DUS2: variants seen among roughly 807,000 people sequenced by gnomAD.
The protein encoded by DUS2 is tRNA-dihydrouridine(20) synthase [NAD(P)+]-like.
DUS2 carries 52 observed loss-of-function variants against 71.3 expected under a neutral mutation model. The ratio of observed to expected loss-of-function variants is 0.73; its 90% CI spans 0.58 to 0.92. The LOEUF is 0.92. DUS2 is among the 40% of genes least tolerant of loss of function. The pLI, the probability that DUS2 is intolerant of heterozygous loss-of-function variation, is 0.00. For synonymous variants in DUS2, 204 were observed against 227.8 expected (o/e 0.90, Z 0.94); for missense variants, 558 against 622.6 (o/e 0.90, Z 1.10).
chr16:68,074,463 G>T (rs1378862472), intron 13 of DUS2, among the ~76,000 whole-genome samples: 1 of 152,218 alleles, frequency 6.6e-6, no homozygotes, highest in Non-Finnish European at 1.5e-5. Flanking sequence ...GTGGTCAGGA[G>T]AATTGGGCTG....
chr16:68,040,078 CT>C (rs1158663153), intron 3 of DUS2, among the ~76,000 whole-genome samples: 4 of 149,238 alleles, frequency 2.7e-5, no homozygotes, highest in African/African-American at 9.9e-5. Context: ...GGACAGGAAT[CT>C]TTTTTTTTCT....
intron 5 of DUS2, 96 bp from the exon 6 acceptor site, chr16:68,054,478 G>C: frequency 7.8e-6 from 10 of 1,286,534 alleles, no homozygotes; most frequent in Non-Finnish European, 1.1e-5. Flanking sequence ...TGGTGTGTGG[G>C]GTGTGTGTGT....
At chr16:68,028,570 C>T (rs1394926483) in intron 2 of DUS2, among the ~76,000 whole-genome samples, 2 of 152,074 alleles carry the variant, frequency 1.3e-5, no homozygotes, top group African/African-American at 4.8e-5. Flanking sequence ...ACCCGGGAGG[C>T]GGAGGTTGCA....
chr16:68,058,383 C>T (rs929526944), intron 7 of DUS2, among the ~76,000 whole-genome samples: 12 of 152,064 alleles, frequency 7.9e-5, no homozygotes, highest in African/African-American at 2.9e-4. Flanking sequence ...CGCCACCACA[C>T]CCAACTAATT....
chr16:68,053,441 T>C (rs2033808440), intron 4 of DUS2, 123 bp from the exon 5 acceptor site: 2 of 834,072 alleles, frequency 2.4e-6, no homozygotes, highest in Non-Finnish European at 3.9e-6. Flanking sequence ...GTAAGAATGG[T>C]ATACATTTAG....
At chr16:68,078,699 C>T (rs1235968528) in intron 16 of DUS2, 50 bp from the exon 17 acceptor site, 1 of 1,562,482 alleles carries the variant, frequency 6.4e-7, no homozygotes, top group Non-Finnish European at 8.7e-7. Flanking sequence ...AGAGTCAGGC[C>T]TCATAGCCCT....
chr16:68,066,035 G>T (rs144261028), intron 8 of DUS2, among the ~76,000 whole-genome samples: 1 of 152,152 alleles, frequency 6.6e-6, no homozygotes, highest in Non-Finnish European at 1.5e-5. Flanking sequence ...GCACACAGGT[G>T]TACACGCGTA....
At chr16:68,056,011 C>T (rs184688361) in intron 6 of DUS2, among the ~76,000 whole-genome samples, 9 of 152,172 alleles carry the variant, frequency 5.9e-5, no homozygotes, top group African/African-American at 2.2e-4. Flanking sequence ...CTCTTAGGCT[C>T]ATGTCACTTT....
At chr16:68,065,080 C>T (rs1233818596) in intron 8 of DUS2, among the ~76,000 whole-genome samples, 2 of 152,232 alleles carry the variant, frequency 1.3e-5, no homozygotes, top group Non-Finnish European at 2.9e-5. Context: ...CTACACCTCT[C>T]TATCTCTGAT....
intron 2 of DUS2, among the ~76,000 whole-genome samples, chr16:68,037,190 TATCCCAGGAGACTGGGTCA>T (rs1261432696): frequency 6.6e-6 from 1 of 151,428 alleles, no homozygotes; most frequent in Non-Finnish European, 1.5e-5. Flanking sequence ...TTCTCTAATG[TATCCCAGGAGACTGGGTCA>T]GTGACTGGCA....
chr16:68,070,325 G>A, intron 11 of DUS2, 105 bp downstream of exon 11: 2 of 1,063,376 alleles, frequency 1.9e-6, no homozygotes, highest in Non-Finnish European at 2.9e-6. Flanking sequence ...GGGGTGGCTT[G>A]AAAAGGGCAG....
chr16:68,053,385 C>T (rs564105275), intron 4 of DUS2, among the ~76,000 whole-genome samples, 179 bp from the exon 5 acceptor site: 2 of 152,314 alleles, frequency 1.3e-5, no homozygotes, highest in East Asian at 1.9e-4. Flanking sequence ...AGGAAATAGA[C>T]CATCCTCATC....
chr16:68,078,239 G>A (rs1244961711), intron 15 of DUS2: 2 of 600,886 alleles, frequency 3.3e-6, no homozygotes, highest in Non-Finnish European at 5.9e-6. Flanking sequence ...GCTTAGGTCT[G>A]TGACAGCTCC....
chr16:68,042,342 C>G (rs1189832982), intron 3 of DUS2, among the ~76,000 whole-genome samples: 1 of 152,156 alleles, frequency 6.6e-6, no homozygotes, highest in Non-Finnish European at 1.5e-5. Context: ...CAAATAATCT[C>G]TTTGAGACCC....
intron 3 of DUS2, among the ~76,000 whole-genome samples, chr16:68,047,625 A>C (rs2033723794): frequency 6.6e-6 from 1 of 151,708 alleles, no homozygotes; most frequent in Non-Finnish European, 1.5e-5. Flanking sequence ...CTGGGATTGC[A>C]GGCATGTACC....
chr16:68,023,363 C>G lies in DUS2; in HGVS notation c.-99+12C>G. On this transcript the variant is annotated intron_variant, in intron 1 of 16. Transcript: ENST00000565263. ...AGTTCAGCTGCGAGGTCTGTAGCTCCGAATAGGGGATGGCGACATCCAGAC... is the reference window on the plus strand; with the variant it reads ...AGTTCAGCTGCGAGGTCTGTAGCTCGGAATAGGGGATGGCGACATCCAGAC... 1 of 867,032 alleles carries G rather than the reference C, an allele frequency of 1.2e-6. No homozygotes were observed. Among genetic ancestry groups the G allele is most frequent in the Non-Finnish European group, 1.7e-6 (1 of 575,608 alleles). 53.7% of individuals were successfully genotyped at this position (867,032 alleles called of 1,614,324 possible).
chr16:68,052,941 C>A (rs1359174599), intron 4 of DUS2, among the ~76,000 whole-genome samples: 1 of 150,384 alleles, frequency 6.6e-6, no homozygotes, highest in Non-Finnish European at 1.5e-5. Context: ...CTGCGCCCGG[C>A]TATGTATGTA....
chr16:68,049,466 A>T (rs1488360267), intron 3 of DUS2, 39 bp from the exon 4 acceptor site: 2 of 1,610,034 alleles, frequency 1.2e-6, no homozygotes, highest in East Asian at 4.5e-5. Flanking sequence ...CAGAGCCTAC[A>T]TGTTCAGGAA....
At chr16:68,066,685 T>C (rs1203261884) in intron 10 of DUS2, 49 bp downstream of exon 10, 1 of 1,571,218 alleles carries the variant, frequency 6.4e-7, no homozygotes, top group African/African-American at 1.4e-5. Flanking sequence ...TAACCCATCT[T>C]AGTGATCCTT....
Sources: allele counts gnomAD v4.1 joint callset (sites outside exome capture counted in the v4.1 genomes callset), GRCh38; gene constraint gnomAD v4.1.1; transcripts MANE v1.5; gene names NCBI Gene and HGNC (gene_info 2026-07-23, HGNC 2026-07-21).